The following GARNL3 variants were observed in gnomAD, a reference collection of about 807,000 sequenced individuals.
The protein encoded by GARNL3 is GTPase-activating Rap/Ran-GAP domain-like protein 3.
GARNL3 carries 63 observed loss-of-function variants against 125.0 expected under a neutral mutation model. The ratio of observed to expected loss-of-function variants is 0.50; its 90% confidence interval spans 0.41 to 0.62. The LOEUF is 0.62. GARNL3 is among the 20% of genes least tolerant of loss of function. The probability of loss-of-function intolerance (pLI) is 0.00; values close to 1 mark genes in which losing one functional copy is unlikely to be tolerated. For synonymous variants in GARNL3, 439 were observed against 457.5 expected (o/e 0.96, Z 0.52); for missense variants, 994 against 1,244.0 (o/e 0.80, Z 3.02).
chr9:127,316,715 C>T (rs1345785791), intron 4 of GARNL3, among the ~76,000 whole-genome samples: 5 of 152,194 alleles, frequency 3.3e-5, no homozygotes, highest in Non-Finnish European at 7.4e-5. Flanking sequence ...TGCAACTTCT[C>T]ATCCTCAGCT....
chr9:127,277,977 C>T (rs2131319459), intron 1 of GARNL3, among the ~76,000 whole-genome samples: 1 of 152,304 alleles, frequency 6.6e-6, no homozygotes, highest in African/African-American at 2.4e-5. Context: ...GTACTTGGCT[C>T]AGTGCCAGAC....
At chr9:127,225,761 G>A (rs1271354465) in intron 1 of GARNL3, among the ~76,000 whole-genome samples, 1 of 69,708 alleles carries the variant, frequency 1.4e-5, no homozygotes, top group African/African-American at 5.3e-5. Flanking sequence ...TCCTTCCGGC[G>A]CCCGCGTGCC....
At chr9:127,338,272 G>GT (rs1217419090) in intron 12 of GARNL3, 111 bp downstream of exon 12, 13 of 862,490 alleles carry the variant, frequency 1.5e-5, no homozygotes, top group Non-Finnish European at 2.5e-5. Flanking sequence ...TTTAATATGA[G>GT]TGCCTGCACC....
At position 127,384,142 on chromosome 9, in the gene GARNL3, G is replaced by A. The variant is rs140002861; in HGVS notation, c.2269+597G>A. The stretch of plus-strand genomic sequence containing the variant: ...ATAGGTCCACAGGACAGCATTTTGA[G>A]AGGAAGGCAGAGGGACCAACCTAAG... On this transcript the variant is annotated intron_variant, in intron 23 of 27. Transcript: ENST00000373387. This position sits in a 1 kb window ranked among gnomAD's most constrained non-coding sequence, Gnocchi z 4.0. Among the ~76,000 whole-genome samples, 710 of 152,326 alleles carry A rather than the reference G, an allele frequency of 4.7e-3. 2 individuals are homozygous for A. The highest frequency in any genetic ancestry group is 0.024 in the Middle Eastern group (7 of 294).
intron 22 of GARNL3, among the ~76,000 whole-genome samples, chr9:127,373,030 G>C (rs1488799220): frequency 6.6e-6 from 1 of 152,186 alleles, no homozygotes; most frequent in Non-Finnish European, 1.5e-5. Context: ...GATAATTTGT[G>C]AGCCTGATGT....
chr9:127,369,579 G>A (rs868562449), intron 22 of GARNL3, among the ~76,000 whole-genome samples: 4 of 152,196 alleles, frequency 2.6e-5, no homozygotes, highest in African/African-American at 7.2e-5. Flanking sequence ...CAGAGCAGGC[G>A]AGGCCTGTCT....
chr9:127,383,657 A>G (rs1265044977), intron 23 of GARNL3, 112 bp downstream of exon 23: 1 of 642,146 alleles, frequency 1.6e-6, no homozygotes, highest in East Asian at 2.8e-5. Context: ...GCTATAAATT[A>G]TACGCGTATG....
At chr9:127,285,447 T>A (rs1468979737) in intron 1 of GARNL3, among the ~76,000 whole-genome samples, 1 of 152,218 alleles carries the variant, frequency 6.6e-6, no homozygotes, top group African/African-American at 2.4e-5. Flanking sequence ...ATTAGGTCGG[T>A]TTTTTTAAAG....
intron 2 of GARNL3, among the ~76,000 whole-genome samples, chr9:127,243,424 ATAT>A (rs1460666414): frequency 1.3e-5 from 2 of 152,142 alleles, no homozygotes; most frequent in African/African-American, 4.8e-5. Flanking sequence ...GTATTTAGTA[ATAT>A]TCATTGAGCA....
chr9:127,376,783 A>G (rs764603663), intron 22 of GARNL3, among the ~76,000 whole-genome samples: 15 of 152,180 alleles, frequency 9.9e-5, no homozygotes, highest in Non-Finnish European at 2.2e-4. Flanking sequence ...AGAAAACCTG[A>G]CTGAGTCAGT....
intron 17 of GARNL3, among the ~76,000 whole-genome samples, chr9:127,352,375 G>A (rs935805965): frequency 5.3e-5 from 8 of 152,184 alleles, no homozygotes; most frequent in East Asian, 1.9e-4. Flanking sequence ...AAAGCCCTTA[G>A]TATATGTTAC....
At chr9:127,316,417 G>A (rs2065241626) in intron 4 of GARNL3, among the ~76,000 whole-genome samples, 1 of 152,082 alleles carries the variant, frequency 6.6e-6, no homozygotes, top group African/African-American at 2.4e-5. Flanking sequence ...TTGGAGTGTT[G>A]GGTAAGAAGA....
At chr9:127,387,743 CAAA>C (rs59031446) in intron 25 of GARNL3, among the ~76,000 whole-genome samples, 1 of 57,906 alleles carries the variant, frequency 1.7e-5, no homozygotes. Flanking sequence ...ACTCTGTCTA[CAAA>C]AAAAAAAAAA....
In GARNL3 at chr9:127,332,263, A is replaced by T. The variant is rs973826760; in HGVS notation, c.595-11A>T. ...AAAATTAACTGTAACACCTTTTGTTATTATCCTAAGGGCTCTGTGAATTTC... is the reference window on the plus strand; with the variant it reads ...AAAATTAACTGTAACACCTTTTGTTTTTATCCTAAGGGCTCTGTGAATTTC... On this transcript the variant is annotated splice_polypyrimidine_tract_variant and intron_variant, in intron 7 of 27. Transcript: ENST00000373387. 1 of 1,606,680 alleles carries T rather than the reference A, an allele frequency of 6.2e-7. No homozygotes were observed. The highest frequency in any genetic ancestry group is 8.5e-7 in the Non-Finnish European group (1 of 1,173,412).
rs1009201676 is a variant in GARNL3, at chr9:127,385,568, C to T, written c.2388+423C>T. 1.8e-4 allele frequency among the ~76,000 whole-genome samples: 28 copies of T among 152,290 alleles called. No homozygotes were observed. Among genetic ancestry groups the T allele is most frequent in the Non-Finnish European group, 1.8e-4 (12 of 68,030 alleles). On this transcript the variant is annotated intron_variant, in intron 24 of 27. Coordinates refer to ENST00000373387, the MANE Select transcript of GARNL3 (RefSeq NM_032293.5). This position sits in a 1 kb window ranked among gnomAD's most constrained non-coding sequence, Gnocchi z 4.1. ...TATGAAACATGGCTAATTGATTAAT[C>T]CCTGCCTCATAACCCACAGCTAGGG...
At chr9:127,354,255 T>C (rs374745752) in intron 18 of GARNL3, 39 bp from the exon 19 acceptor site, 7 of 1,520,014 alleles carry the variant, frequency 4.6e-6, no homozygotes, top group Non-Finnish European at 6.4e-6. Flanking sequence ...ACCTTACTTT[T>C]CCATTTAATC....
Position 127,242,549 on chromosome 9 carries a change from A to G in GARNL3, c.-28-530A>G, listed in dbSNP as rs2063222217. ...CCATTTATTAATTCAGCAAGCATTTACTGCTTATATATACTATCTGCTATT... is the reference window on the plus strand; with the variant it reads ...CCATTTATTAATTCAGCAAGCATTTGCTGCTTATATATACTATCTGCTATT... On this transcript the variant is annotated intron_variant, in intron 1 of 10. Coordinates refer to the GARNL3 transcript ENST00000439286. The surrounding 1 kb of genome is among the most constrained non-coding windows in gnomAD (Gnocchi z 4.6). Among the ~76,000 whole-genome samples, 1 of 152,212 alleles carries G rather than the reference A, an allele frequency of 6.6e-6. No individual in the cohort carries two copies. The highest frequency in any genetic ancestry group is 1.5e-5 in the Non-Finnish European group (1 of 68,040).
At chr9:127,291,581 G>A (rs1423209729) in intron 2 of GARNL3, among the ~76,000 whole-genome samples, 1 of 152,154 alleles carries the variant, frequency 6.6e-6, no homozygotes, top group African/African-American at 2.4e-5. Context: ...GCAGTGCCAG[G>A]GTCCAGGAGG....
At chr9:127,256,054 G>A (rs1319321651) in intron 2 of GARNL3, among the ~76,000 whole-genome samples, 1 of 152,196 alleles carries the variant, frequency 6.6e-6, no homozygotes, top group Admixed American at 6.5e-5. Context: ...AGGGAGGTAT[G>A]CCACAACATA....
Sources: gnomAD v4.1 joint callset for allele counts (sites outside exome capture counted in the v4.1 genomes callset) on GRCh38, gnomAD v4.1.1 for gene constraint, Gnocchi (gnomAD v3.1) non-coding constraint, MANE v1.5 for transcripts, NCBI Gene and HGNC (gene_info 2026-07-23, HGNC 2026-07-21) for gene names.